The following LRP1 variants were observed in gnomAD, a reference collection of about 807,000 sequenced individuals.
LRP1 encodes prolow-density lipoprotein receptor-related protein 1.
A neutral mutation model predicts 541.5 loss-of-function variants in LRP1; 51 were observed. The ratio of observed to expected loss-of-function variants is 0.09; its 90% CI spans 0.08 to 0.12. The LOEUF (loss-of-function observed/expected upper bound fraction) is 0.12. LRP1 is among the 10% of genes least tolerant of loss of function. LRP1 has a pLI of 1.00. For missense variants in LRP1, 3,878 were observed against 6,376.2 expected (o/e 0.61, Z 13.34); for synonymous variants, 2,219 against 2,470.8 (o/e 0.90, Z 3.02).
At chr12:57,203,629 C>T in intron 70 of LRP1, 108 bp downstream of exon 70, 2 of 1,327,998 alleles carry the variant, frequency 1.5e-6, no homozygotes, top group South Asian at 1.6e-5. Context: ...CTTCATGCAA[C>T]AAATATTTAT....
rs943645441 is a variant in LRP1 at position 57,183,983 on chromosome 12, C to T, written c.5929+74C>T. ...GGGACGAAGTGAGAGGAGGAGTTGG[C>T]GGGAGCAGGAAGAGGAGCTGTAGGG... On this transcript the variant is annotated intron_variant, in intron 36 of 88. Coordinates refer to ENST00000243077, the MANE Select transcript of LRP1 (RefSeq NM_002332.3). The surrounding 1 kb of genome is among the most constrained non-coding windows in gnomAD (Gnocchi z 6.1). 32 of 1,605,004 alleles carry T rather than the reference C, an allele frequency of 2.0e-5. No homozygotes were observed. Among genetic ancestry groups the T allele is most frequent in the Middle Eastern group, 1.7e-4 (1 of 6,010 alleles).
Position 57,180,701 on chromosome 12 carries a change from A to T in LRP1, c.5421A>T (p.Glu1807Asp). The T allele has an allele frequency of 6.2e-7, 1 of 1,614,046 alleles. No individual in the cohort carries two copies. The highest frequency in any genetic ancestry group is 1.1e-5 in the South Asian group (1 of 91,090). ...TGTGGTGGGCTGATCAGGTGTCGGA[A>T]AAGATGGGCACATGCAGCAAGGCTG... ...DKLWWADQVS[E>D]KMGTCSKADG... The change falls in exon 33 of 89, where the codon GAA becomes GAT. Residue 1807 changes from glutamate to aspartate, a missense_variant. Glu to Asp is a conservative substitution (Grantham distance 45, BLOSUM62 2). Coordinates refer to ENST00000243077, the MANE Select transcript of LRP1 (RefSeq NM_002332.3).
chr12:57,202,522 G>A lies in LRP1; in HGVS notation c.10696G>A (p.Asp3566Asn), dbSNP rs1331869343. The A allele has an allele frequency of 1.9e-6, 3 of 1,609,900 alleles. No homozygotes were observed. The highest frequency in any genetic ancestry group is 1.7e-5 in the Admixed American group (1 of 59,526). ...CGACAACGATTGCGGTGACAACTCC[G>A]ATGAAGAGAGCTGCAGTACGTCCCC... The part of the protein sequence containing the change: ...DYDNDCGDNS[D>N]EESCTPRPCS... Residue 3566 changes from aspartate to asparagine, a missense_variant, in exon 68 of 89, where the codon GAT (aspartate) becomes AAT (asparagine). Physicochemically the swap from Asp to Asn is conservative, Grantham distance 23 (BLOSUM62 1). Coordinates refer to ENST00000243077, the MANE Select transcript of LRP1 (RefSeq NM_002332.3).
chr12:57,181,136 C>T lies in LRP1; in HGVS notation c.5528-21C>T, dbSNP rs202198520. On this transcript the variant is annotated intron_variant, in intron 33 of 88. Transcript: ENST00000243077. Reference sequence around the variant, plus strand: ...AGGAGGGCCACCTAACCCTTTCCCTCTGCCTCCCACCTGCCCCCAGACCAT... The same window carrying T: ...AGGAGGGCCACCTAACCCTTTCCCTTTGCCTCCCACCTGCCCCCAGACCAT... The T allele has an allele frequency of 1.3e-4, 204 of 1,609,200 alleles. 2 individuals carry two copies. In the South Asian group the frequency reaches 2.1e-3, roughly 17 times the overall value.
chr12:57,199,175 G>A lies in LRP1; in HGVS notation c.9677-37G>A, dbSNP rs781181045. Reference sequence around the variant, plus strand: ...TGGGCCGGCACCCTGTCCGAGCTCCGGCTGACTGGCACTGTGCCTGCCCCT... The same window carrying A: ...TGGGCCGGCACCCTGTCCGAGCTCCAGCTGACTGGCACTGTGCCTGCCCCT... On this transcript the variant is annotated intron_variant, in intron 60 of 88. Transcript: ENST00000243077. 89 of 1,600,214 alleles carry A rather than the reference G, an allele frequency of 5.6e-5. 1 individual carries two copies. The highest frequency in any genetic ancestry group is 9.4e-5 in the African/African-American group (7 of 74,772).
At chr12:57,144,636 A>G (rs893908293) in intron 4 of LRP1, 2 of 288,916 alleles carry the variant, frequency 6.9e-6, no homozygotes, top group South Asian at 1.0e-4. Flanking sequence ...TAGTAACTAT[A>G]TTTCATTTAT....
rs1243873047 is a variant in LRP1 at position 57,210,876 on chromosome 12, T to C, written c.12913T>C (p.Tyr4305His). 8 of 1,609,338 alleles carry C rather than the reference T, an allele frequency of 5.0e-6. No individual in the cohort carries two copies. The highest frequency in any genetic ancestry group is 6.8e-6 in the Non-Finnish European group (8 of 1,177,256). Residue 4305 changes from tyrosine (Y) to histidine (H), a missense_variant, in exon 83 of 89, where the codon TAC (tyrosine) becomes CAC (histidine). Coordinates refer to ENST00000243077, the MANE Select transcript of LRP1 (RefSeq NM_002332.3). ...LPGFLGDRCQYRQCSGYCENF... is the reference protein window; with the variant it reads ...LPGFLGDRCQHRQCSGYCENF... ...CGGCTTCCTGGGCGACCGCTGCCAGTACCGTGAGTGAGCCATCCCTGGGCC... is the reference window on the plus strand; with the variant it reads ...CGGCTTCCTGGGCGACCGCTGCCAGCACCGTGAGTGAGCCATCCCTGGGCC...
rs764371078 is a variant in LRP1, at chr12:57,149,637, G to A, written c.841+4147G>A. On this transcript the variant is annotated intron_variant, in intron 6 of 88. Transcript: ENST00000243077. ...AATGCCTCTTGGGGACCTAAGCCAG[G>A]CAGGGGAAGGTAGCAGGACATAACC... 19 of 712,760 alleles carry A rather than the reference G, an allele frequency of 2.7e-5. No homozygotes were observed. In the East Asian group the frequency reaches 3.2e-4, roughly 12 times the overall value. The allele number at this position is 712,760 out of a possible 1,614,324, so 44.2% of individuals were successfully genotyped here. A position where few individuals can be genotyped will look rare whatever the true frequency, so the allele number is the denominator to read the frequency against.
Position 57,201,074 on chromosome 12 carries a change from C to T in LRP1, c.10266C>T (p.Asn3422=). The T allele has an allele frequency of 6.2e-7, 1 of 1,614,122 alleles. No individual in the cohort carries two copies. Among genetic ancestry groups the T allele is most frequent in the East Asian group, 2.2e-5 (1 of 44,870 alleles). ...TGCCCAGTCAGTTCAAATGCACCAACACCAACCGCTGTATTCCCGGCATCT... is the reference window on the plus strand; with the variant it reads ...TGCCCAGTCAGTTCAAATGCACCAATACCAACCGCTGTATTCCCGGCATCT... The part of the protein sequence containing the change: ...VCLPSQFKCT[N]TNRCIPGIFR... The change falls in exon 65 of 89, where the codon AAC becomes AAT. Residue 3422 remains asparagine (N), a synonymous_variant. Coordinates refer to ENST00000243077, the MANE Select transcript of LRP1 (RefSeq NM_002332.3). This position sits in a 1 kb window ranked among gnomAD's most constrained non-coding sequence, Gnocchi z 6.4.
intron 19 of LRP1, chr12:57,168,210 C>T (rs34790089): frequency 0.022 from 3,334 of 153,768 alleles, 55 homozygotes; most frequent in Non-Finnish European, 0.035. Context: ...ACGGCTCTGA[C>T]GAACAGACCT....
At chr12:57,191,706 ACAC>A (rs2036385122) in intron 44 of LRP1, among the ~76,000 whole-genome samples, 194 bp downstream of exon 44, 1 of 136,056 alleles carries the variant, frequency 7.3e-6, no homozygotes, top group Non-Finnish European at 1.6e-5. Flanking sequence ...CAACACATAC[ACAC>A]CACACCATAC....
intron 6 of LRP1, chr12:57,149,071 C>T: frequency 1.8e-6 from 1 of 566,956 alleles, no homozygotes; most frequent in Non-Finnish European, 3.2e-6. Flanking sequence ...CCCTCTGAGT[C>T]TAATGAACTG....
intron 41 of LRP1, 118 bp from the exon 42 acceptor site, chr12:57,187,149 A>G (rs1301064579): frequency 1.9e-6 from 2 of 1,028,386 alleles, no homozygotes; most frequent in Non-Finnish European, 2.8e-6. Flanking sequence ...TTGCACTCCC[A>G]TACCCCACAC....
At chr12:57,149,397 C>T (rs2035482300) in intron 6 of LRP1, 2 of 553,526 alleles carry the variant, frequency 3.6e-6, no homozygotes, top group Admixed American at 3.2e-5. Flanking sequence ...GTCTCCCGGC[C>T]CAGATCCAGC....
At chr12:57,160,667 T>C (rs2035711826) in intron 12 of LRP1, among the ~76,000 whole-genome samples, 1 of 152,232 alleles carries the variant, frequency 6.6e-6, no homozygotes, top group Non-Finnish European at 1.5e-5. Flanking sequence ...GGACCTTGGC[T>C]GCCTTGGTCT....
rs1162011829 is a variant in LRP1, at chr12:57,179,992, G to A, written c.5141+36G>A. ...GGCCCAGGGCCGGGGAGCATGGGGTGTGGGGCTGGGAAGAAGAGGACCCTG... is the reference window on the plus strand; with the variant it reads ...GGCCCAGGGCCGGGGAGCATGGGGTATGGGGCTGGGAAGAAGAGGACCCTG... On this transcript the variant is annotated intron_variant, in intron 30 of 88. Coordinates refer to ENST00000243077, the MANE Select transcript of LRP1 (RefSeq NM_002332.3). The surrounding 1 kb of genome is among the most constrained non-coding windows in gnomAD (Gnocchi z 6.8). 1 of 1,613,794 alleles carries A rather than the reference G, an allele frequency of 6.2e-7. No individual in the cohort carries two copies. The highest frequency in any genetic ancestry group is 8.5e-7 in the Non-Finnish European group (1 of 1,179,940).
At chr12:57,130,003 A>G (rs1213126017) in intron 1 of LRP1, among the ~76,000 whole-genome samples, 1 of 152,182 alleles carries the variant, frequency 6.6e-6, no homozygotes, top group Non-Finnish European at 1.5e-5. Context: ...GGCTTAGGCT[A>G]GAACTGCATC....
rs375257456 is a variant in LRP1 at position 57,209,703 on chromosome 12, C to A, written c.12274C>A (p.Pro4092Thr). The change falls in exon 80 of 89, where the codon CCC (proline) becomes ACC (threonine). Residue 4092 changes from proline (P) to threonine (T), a missense_variant. By Grantham distance (38) the Pro-to-Thr change is conservative. Coordinates refer to ENST00000243077, the MANE Select transcript of LRP1 (RefSeq NM_002332.3). The part of the protein sequence containing the change: ...AADSKRGLSH[P>T]FSIDVFEDYI... ...ACCTCCTCCCCCAGGCCTAAGTCACCCCTTCAGCATCGACGTCTTTGAGGA... is the reference window on the plus strand; with the variant it reads ...ACCTCCTCCCCCAGGCCTAAGTCACACCTTCAGCATCGACGTCTTTGAGGA... The A allele has an allele frequency of 1.2e-6, 2 of 1,614,012 alleles. No individual in the cohort carries two copies. The highest frequency in any genetic ancestry group is 2.7e-5 in the African/African-American group (2 of 74,910).
chr12:57,194,090 C>A, intron 48 of LRP1, 78 bp downstream of exon 48: 1 of 1,281,738 alleles, frequency 7.8e-7, no homozygotes, highest in Non-Finnish European at 1.1e-6. Context: ...GGCCCTCCTG[C>A]ACCTGCCCAC....
Sources: gnomAD v4.1 joint callset for allele counts (sites outside exome capture counted in the v4.1 genomes callset) on GRCh38, gnomAD v4.1.1 for gene constraint, Gnocchi (gnomAD v3.1) non-coding constraint, MANE v1.5 for transcripts, NCBI Gene and HGNC (gene_info 2026-07-23, HGNC 2026-07-21) for gene names.